FUT8: variants seen among roughly 807,000 people sequenced by gnomAD.
The protein encoded by FUT8 is fucosyltransferase 8, also known as alpha-(1,6)-fucosyltransferase.
In FUT8, 29 loss-of-function variants were observed where a neutral mutation model predicts 71.3. The ratio of observed to expected loss-of-function variants is 0.41; its 90% CI spans 0.30 to 0.55. The LOEUF is 0.55. FUT8 is among the 20% of genes least tolerant of loss of function. FUT8 has a pLI of 0.34. For synonymous variants in FUT8, 254 were observed against 239.3 expected (o/e 1.06, Z -0.57); for missense variants, 544 against 702.1 (o/e 0.77, Z 2.55).
intron 2 of FUT8, among the ~76,000 whole-genome samples, chr14:65,555,631 G>A (rs948562261): frequency 2.0e-5 from 3 of 152,176 alleles, no homozygotes; most frequent in African/African-American, 7.2e-5. Flanking sequence ...CTGTGCTGGT[G>A]TTCAGCAAAT....
intron 3 of FUT8, among the ~76,000 whole-genome samples, chr14:65,582,283 G>A (rs770965092): frequency 6.6e-6 from 1 of 151,912 alleles, no homozygotes; most frequent in Non-Finnish European, 1.5e-5. Flanking sequence ...TCCTGGAAGT[G>A]TTATACTATT....
chr14:65,508,936 C>T lies in FUT8; in HGVS notation c.-227-52401C>T, dbSNP rs373252746. ...GAAGCTTTTTAATTTGATGTGATCC[C>T]GTTTGTCCAGTTTTGCTTTGGTTGC... On this transcript the variant is annotated intron_variant, in intron 2 of 10. Coordinates refer to ENST00000673929, the MANE Select transcript of FUT8 (RefSeq NM_001371533.1). Among the ~76,000 whole-genome samples the T allele has an allele frequency of 8.7e-4, 133 of 152,072 alleles. No individual in the cohort carries two copies. The East Asian group carries it at 0.016, about 18-fold the overall frequency.
At chr14:65,394,052 G>A in the FUT8 span, among the ~76,000 whole-genome samples, 1 of 152,182 alleles carries the variant, frequency 6.6e-6, no homozygotes, top group African/African-American at 2.4e-5. Flanking sequence ...CACCTCCTGG[G>A]TTCAAGTGAT....
chr14:65,567,151 G>A (rs1285527292), intron 3 of FUT8, among the ~76,000 whole-genome samples: 1 of 151,946 alleles, frequency 6.6e-6, no homozygotes, highest in Non-Finnish European at 1.5e-5. Context: ...GTGGCTTTTG[G>A]CCTTTTGGCC....
At chr14:65,680,331 C>G (rs1892977795) in intron 7 of FUT8, among the ~76,000 whole-genome samples, 1 of 152,124 alleles carries the variant, frequency 6.6e-6, no homozygotes, top group Non-Finnish European at 1.5e-5. Context: ...ATAGTTTTAG[C>G]TTTTGCATTT....
At chr14:65,658,099 G>A (rs999696813) in intron 6 of FUT8, among the ~76,000 whole-genome samples, 3 of 152,044 alleles carry the variant, frequency 2.0e-5, no homozygotes, top group Non-Finnish European at 4.4e-5. Context: ...AATGTATTAA[G>A]AACTCTCCAA....
upstream of FUT8, chr14:65,412,076 G>A: frequency 2.2e-6 from 1 of 456,744 alleles, no homozygotes; most frequent in South Asian, 1.5e-5. Flanking sequence ...CGCCTCAGAG[G>A]GGCTGTCGCA....
At chr14:65,443,593 G>A (rs534373796) in intron 1 of FUT8, among the ~76,000 whole-genome samples, 14 of 151,162 alleles carry the variant, frequency 9.3e-5, no homozygotes, top group South Asian at 6.3e-4. Flanking sequence ...GGTGGTGTGC[G>A]CTTGTGGTCC....
At chr14:65,363,314 GTTTCA>G in the FUT8 span, among the ~76,000 whole-genome samples, 67,162 of 144,294 alleles carry the variant, frequency 0.47, 17,473 homozygotes, top group Non-Finnish European at 0.6. Context: ...TAGAGATGGG[GTTTCA>G]CCCTGTTGGT....
At chr14:65,438,594 T>TC (rs1447676248) in intron 1 of FUT8, among the ~76,000 whole-genome samples, 6 of 152,222 alleles carry the variant, frequency 3.9e-5, no homozygotes, top group African/African-American at 1.4e-4. Context: ...GTAGAGCAGC[T>TC]CTGGAGTATT....
intron 2 of FUT8, among the ~76,000 whole-genome samples, chr14:65,470,088 C>T (rs1190321336): frequency 1.3e-5 from 2 of 152,248 alleles, no homozygotes; most frequent in Non-Finnish European, 2.9e-5. Flanking sequence ...CATGGAGCAG[C>T]TCTCCACCTC....
chr14:65,633,991 C>A (rs75242134), intron 6 of FUT8, among the ~76,000 whole-genome samples: 3 of 151,966 alleles, frequency 2.0e-5, no homozygotes, highest in Non-Finnish European at 4.4e-5. Flanking sequence ...AGGTGAGGGG[C>A]GCCTCTGCCC....
chr14:65,636,576 A>G (rs1336036230), intron 6 of FUT8: 1 of 152,112 alleles, frequency 6.6e-6, no homozygotes, highest in East Asian at 1.9e-4. Flanking sequence ...GAATTTTTAA[A>G]TTTCCATGTT....
Position 65,554,401 on chromosome 14 carries a change from G to GT in FUT8, c.-227-6926dup, listed in dbSNP as rs201905501. Among the ~76,000 whole-genome samples the GT allele has an allele frequency of 5.2e-3, 702 of 135,232 alleles. 5 individuals carry two copies. Among genetic ancestry groups the GT allele is most frequent in the Non-Finnish European group, 7.2e-3 (456 of 63,222 alleles). 88.7% of individuals were successfully genotyped at this position (135,232 alleles called of 152,430 possible). A position where few individuals can be genotyped will look rare whatever the true frequency, so the allele number is the denominator to read the frequency against. ...GCTTTGTCTTTTGACTATGGTTTGGGTTTTTTTTTTAACTATATATCTATA... is the reference window on the plus strand; with the variant it reads ...GCTTTGTCTTTTGACTATGGTTTGGGTTTTTTTTTTTAACTATATATCTATA... On this transcript the variant is annotated intron_variant, in intron 2 of 10. Transcript: ENST00000673929.
chr14:65,722,767 G>A (rs1273045288), intron 8 of FUT8, among the ~76,000 whole-genome samples: 7 of 152,180 alleles, frequency 4.6e-5, no homozygotes, highest in Admixed American at 3.3e-4. Context: ...CCACATCTGG[G>A]TTATAGTCTG....
At chr14:65,451,951 A>T (rs1049650969) in intron 1 of FUT8, among the ~76,000 whole-genome samples, 2 of 152,170 alleles carry the variant, frequency 1.3e-5, no homozygotes, top group African/African-American at 4.8e-5. Context: ...ATAAGCTCTC[A>T]CTTTGGGCCA....
intron 3 of FUT8, among the ~76,000 whole-genome samples, chr14:65,601,580 A>G (rs898601328): frequency 6.6e-6 from 1 of 152,194 alleles, no homozygotes; most frequent in African/African-American, 2.4e-5. Flanking sequence ...ATGTGAAACA[A>G]AATGATGTTA....
At chr14:65,529,566 C>G (rs1264856583) in intron 2 of FUT8, 1 of 153,070 alleles carries the variant, frequency 6.5e-6, no homozygotes, top group Non-Finnish European at 1.5e-5. Context: ...TTACCTTACT[C>G]TTGGGCATGG....
At chr14:65,423,412 T>C (rs7150648) in intron 1 of FUT8, among the ~76,000 whole-genome samples, 105,730 of 151,600 alleles carry the variant, frequency 0.7, 37,171 homozygotes, top group East Asian at 0.9. Flanking sequence ...CAGGCACCCA[T>C]CACTACGCCA....
Sources: gnomAD v4.1 joint callset for allele counts (sites outside exome capture counted in the v4.1 genomes callset) on GRCh38, gnomAD v4.1.1 for gene constraint, MANE v1.5 for transcripts, NCBI Gene and HGNC (gene_info 2026-07-23, HGNC 2026-07-21) for gene names.